ATG10: variants seen among roughly 807,000 people sequenced by gnomAD.
ATG10 encodes autophagy related 10, also known as ubiquitin-like-conjugating enzyme ATG10.
In ATG10, 30 loss-of-function variants were observed where a neutral mutation model predicts 32.1. The ratio of observed to expected loss-of-function variants is 0.94; its 90% CI spans 0.70 to 1.27. The LOEUF (loss-of-function observed/expected upper bound fraction) is 1.27. Ranked by LOEUF, ATG10 falls within the 50% of genes most tolerant of loss-of-function variation. The pLI, the probability that ATG10 is intolerant of heterozygous loss-of-function variation, is 0.00. For synonymous variants in ATG10, 87 were observed against 91.5 expected (o/e 0.95, Z 0.28); for missense variants, 233 against 262.3 (o/e 0.89, Z 0.77).
chr5:82,123,025 A>T (rs1231488591), intron 3 of ATG10, among the ~76,000 whole-genome samples: 2 of 152,264 alleles, frequency 1.3e-5, no homozygotes, highest in African/African-American at 4.8e-5. Flanking sequence ...CCAGAGGAAT[A>T]TAAATCATTC....
At chr5:82,157,490 A>G (rs1477510992) in intron 3 of ATG10, among the ~76,000 whole-genome samples, 1 of 152,216 alleles carries the variant, frequency 6.6e-6, no homozygotes, top group African/African-American at 2.4e-5. Flanking sequence ...ATTGTGGAAA[A>G]AGTCATTCTG....
chr5:82,024,036 G>C (rs1013621400), intron 2 of ATG10, among the ~76,000 whole-genome samples: 12 of 152,172 alleles, frequency 7.9e-5, no homozygotes, highest in African/African-American at 2.9e-4. Context: ...CAGAATAGGG[G>C]TTTTAACTAA....
intron 5 of ATG10, among the ~76,000 whole-genome samples, chr5:82,205,296 A>AT (rs1054772231): frequency 7.2e-5 from 11 of 152,118 alleles, no homozygotes; most frequent in East Asian, 3.9e-4. Flanking sequence ...GAGAATAAAT[A>AT]TTTTTTTTGA....
chr5:82,037,129 C>CAAAA (rs1159037400), intron 2 of ATG10, among the ~76,000 whole-genome samples: 381 of 25,788 alleles, frequency 0.015, 53 homozygotes, highest in African/African-American at 0.051. Flanking sequence ...GACTCTGTCT[C>CAAAA]AAAAAAAAAA....
intron 5 of ATG10, among the ~76,000 whole-genome samples, chr5:82,181,970 A>G (rs913475152): frequency 4.6e-5 from 7 of 152,166 alleles, no homozygotes; most frequent in Admixed American, 2.6e-4. Context: ...CTGTAGCCTA[A>G]TAAAAAAACT....
At chr5:82,233,808 T>C (rs527430303) in intron 5 of ATG10, among the ~76,000 whole-genome samples, 2 of 152,306 alleles carry the variant, frequency 1.3e-5, no homozygotes, top group African/African-American at 4.8e-5. Context: ...ATTGACTGCC[T>C]AGGGCCTGCA....
At chr5:82,135,085 T>A (rs892860956) in intron 3 of ATG10, among the ~76,000 whole-genome samples, 15 of 152,080 alleles carry the variant, frequency 9.9e-5, no homozygotes, top group African/African-American at 3.6e-4. Context: ...CTTTATCATT[T>A]TTTATTGTGT....
intron 2 of ATG10, among the ~76,000 whole-genome samples, chr5:81,994,292 T>C (rs1025971601): frequency 6.6e-6 from 1 of 152,192 alleles, no homozygotes; most frequent in Non-Finnish European, 1.5e-5. Context: ...TCTAGCTTCA[T>C]TGTCTACTCT....
rs1458604096 is a variant in ATG10, at chr5:82,214,346, C to A, written c.453+35759C>A. ...CTTTTCTCATAGGTGAAACTACAAC[C>A]AAAAAAATACGCCTTGTAATTCGCT... On this transcript the variant is annotated intron_variant, in intron 5 of 7. Coordinates refer to ENST00000282185, the MANE Select transcript of ATG10 (RefSeq NM_031482.5). 2.6e-5 allele frequency among the ~76,000 whole-genome samples: 4 copies of A among 152,076 alleles called. No homozygotes were observed. The East Asian group carries it at 7.7e-4, about 29-fold the overall frequency.
intron 3 of ATG10, among the ~76,000 whole-genome samples, chr5:82,096,598 G>A (rs1161766092): frequency 2.6e-5 from 4 of 152,118 alleles, no homozygotes; most frequent in African/African-American, 9.7e-5. Flanking sequence ...GGACTAGGTG[G>A]GCCAGCTTTG....
At chr5:82,225,470 G>A (rs1054219613) in intron 5 of ATG10, among the ~76,000 whole-genome samples, 1 of 152,226 alleles carries the variant, frequency 6.6e-6, no homozygotes, top group African/African-American at 2.4e-5. Context: ...GAGGAAAGGA[G>A]ATGCTCTCTG....
intron 1 of ATG10, among the ~76,000 whole-genome samples, chr5:81,978,713 G>C (rs1248096630): frequency 6.6e-6 from 1 of 151,886 alleles, no homozygotes; most frequent in Non-Finnish European, 1.5e-5. Flanking sequence ...CAGGCTAAAG[G>C]GCAGTGTCAC....
At chr5:82,047,069 A>T (rs571734496) in intron 2 of ATG10, among the ~76,000 whole-genome samples, 1 of 152,118 alleles carries the variant, frequency 6.6e-6, no homozygotes, top group African/African-American at 2.4e-5. Flanking sequence ...CAAACATAAT[A>T]TGGCAAAATG....
chr5:82,123,523 G>T (rs1455651371), intron 3 of ATG10, among the ~76,000 whole-genome samples: 2 of 135,022 alleles, frequency 1.5e-5, no homozygotes, highest in African/African-American at 2.6e-5. Context: ...TAAAATAAAA[G>T]TAAAAAAAAA....
At chr5:82,242,543 A>C (rs1470287674) in intron 5 of ATG10, among the ~76,000 whole-genome samples, 1 of 152,138 alleles carries the variant, frequency 6.6e-6, no homozygotes, top group East Asian at 1.9e-4. Context: ...CCAGTGAAAA[A>C]TGAAAAGAAA....
At chr5:82,156,127 T>TA (rs1458510357) in intron 3 of ATG10, among the ~76,000 whole-genome samples, 3 of 151,734 alleles carry the variant, frequency 2.0e-5, no homozygotes, top group African/African-American at 7.3e-5. Flanking sequence ...GGAAGTGCAT[T>TA]TAGGCTCCCT....
chr5:82,047,071 G>C (rs1268523587), intron 2 of ATG10, among the ~76,000 whole-genome samples: 1 of 150,638 alleles, frequency 6.6e-6, no homozygotes, highest in Non-Finnish European at 1.5e-5. Flanking sequence ...AACATAATAT[G>C]GCAAAATGTC....
At chr5:81,973,403 C>CA (rs1760783346) in intron 1 of ATG10, 1 of 152,212 alleles carries the variant, frequency 6.6e-6, no homozygotes, top group Admixed American at 6.5e-5. Context: ...ACTGGGATCA[C>CA]AGGCGTCAGC....
At chr5:82,242,934 A>G in intron 5 of ATG10, 1 of 412,956 alleles carries the variant, frequency 2.4e-6, no homozygotes, top group South Asian at 1.8e-5. Context: ...ACATTGAGCT[A>G]TAAAGTACTA....
Sources: gnomAD v4.1 joint callset for allele counts (sites outside exome capture counted in the v4.1 genomes callset) on GRCh38, gnomAD v4.1.1 for gene constraint, MANE v1.5 for transcripts, NCBI Gene and HGNC (gene_info 2026-07-23, HGNC 2026-07-21) for gene names.